PPP2R3A: variants seen among roughly 807,000 people sequenced by gnomAD.
PPP2R3A encodes protein phosphatase 2 regulatory subunit B''alpha, also known as serine/threonine-protein phosphatase 2A regulatory subunit B'' subunit alpha.
In PPP2R3A, 80 loss-of-function variants were observed where a neutral mutation model predicts 106.9. The observed-to-expected ratio is 0.75, with a 90% CI of 0.62 to 0.90. The LOEUF (loss-of-function observed/expected upper bound fraction) is 0.90, where lower values mean the gene tolerates loss of function less well. Among genes scored for constraint, PPP2R3A ranks in the 40% least tolerant of loss-of-function variants. The probability of loss-of-function intolerance (pLI) is 0.00; values close to 1 mark genes in which losing one functional copy is unlikely to be tolerated. For synonymous variants in PPP2R3A, 483 were observed against 468.3 expected (o/e 1.03, Z -0.41); for missense variants, 1,386 against 1,350.4 (o/e 1.03, Z -0.41).
Position 136,145,298 on chromosome 3 carries a change from T to C in PPP2R3A, c.*132T>C, listed in dbSNP as rs577872668. On this transcript the variant is annotated 3_prime_UTR_variant, in exon 14 of 14. Transcript: ENST00000264977. ...GTGTGTATCATCTGCACTAGGAACT[T>C]TGTTTTTAAGCAATAGGTCTGGATA... The C allele has an allele frequency of 1.1e-5, 14 of 1,223,320 alleles. No homozygotes were observed. In the South Asian group the frequency reaches 2.3e-4, roughly 20 times the overall value. 75.8% of individuals were successfully genotyped at this position (1,223,320 alleles called of 1,614,324 possible).
intron 13 of PPP2R3A, among the ~76,000 whole-genome samples, chr3:136,117,579 T>C (rs999356875): frequency 5.9e-5 from 9 of 152,148 alleles, no homozygotes; most frequent in East Asian, 3.9e-4. Flanking sequence ...TACAAACTAC[T>C]GTCAGAGAAT....
At chr3:136,069,723 G>T (rs1428358936) in intron 5 of PPP2R3A, among the ~76,000 whole-genome samples, 1 of 152,184 alleles carries the variant, frequency 6.6e-6, no homozygotes, top group East Asian at 1.9e-4. Flanking sequence ...GTCTGTTGAT[G>T]ACAAGCCAGT....
chr3:136,048,526 G>C (rs1226408845), intron 4 of PPP2R3A, among the ~76,000 whole-genome samples: 1 of 152,124 alleles, frequency 6.6e-6, no homozygotes, highest in Non-Finnish European at 1.5e-5. Context: ...ACAAAAACTA[G>C]CCAGGCGTGG....
At chr3:136,057,154 A>G (rs1935897058) in intron 5 of PPP2R3A, among the ~76,000 whole-genome samples, 1 of 152,138 alleles carries the variant, frequency 6.6e-6, no homozygotes, top group Non-Finnish European at 1.5e-5. Flanking sequence ...TACTCAAAAA[A>G]ACTAAAAATA....
intron 5 of PPP2R3A, chr3:136,055,061 A>C: frequency 2.9e-6 from 1 of 345,746 alleles, no homozygotes; most frequent in East Asian, 6.0e-5. Flanking sequence ...GTTTATAAAC[A>C]TTTCAATATT....
chr3:136,049,279 A>G lies in PPP2R3A; in HGVS notation c.2387A>G (p.Asp796Gly). 6.2e-7 allele frequency: 1 copy of G among 1,613,378 alleles called. No individual in the cohort carries two copies. Among genetic ancestry groups the G allele is most frequent in the Middle Eastern group, 1.7e-4 (1 of 6,060 alleles). The change falls in exon 5 of 14, where the codon GAT becomes GGT. Residue 796 changes from aspartate (D) to glycine (G), a missense_variant. Transcript: ENST00000264977. Reference protein sequence around the residue: ...MWRKLLNNHHDDASKFICLLA... With the variant: ...MWRKLLNNHHGDASKFICLLA... The stretch of plus-strand genomic sequence containing the variant: ...TATAGGTTGCTGAATAACCATCATG[A>G]TGATGCCTCTAAATTCATCTGTCTT...
rs778323316 is a variant in PPP2R3A at position 136,003,012 on chromosome 3, G to C, written c.1514G>C (p.Ser505Thr). The change falls in exon 2 of 14, where the codon AGC becomes ACC. Residue 505 changes from serine to threonine, a missense_variant. Coordinates refer to ENST00000264977, the MANE Select transcript of PPP2R3A (RefSeq NM_002718.5). ...GDQRDFTNSSSQEEIDKLLMD... is the reference protein window; with the variant it reads ...GDQRDFTNSSTQEEIDKLLMD... ...CAGAGAGATTTTACAAATTCCAGTAGCCAGGAAGAGATAGATAAATTGTTA... is the reference window on the plus strand; with the variant it reads ...CAGAGAGATTTTACAAATTCCAGTACCCAGGAAGAGATAGATAAATTGTTA... 5 of 1,613,474 alleles carry C rather than the reference G, an allele frequency of 3.1e-6. No individual in the cohort carries two copies. The East Asian group carries it at 1.1e-4, about 36-fold the overall frequency.
intron 6 of PPP2R3A, among the ~76,000 whole-genome samples, chr3:136,075,132 T>C (rs1408867673): frequency 6.6e-6 from 1 of 152,220 alleles, no homozygotes; most frequent in African/African-American, 2.4e-5. Context: ...CCTGGTGACC[T>C]ATACTTGTGA....
chr3:135,994,503 A>G (rs1373986576), intron 1 of PPP2R3A, among the ~76,000 whole-genome samples: 2 of 152,012 alleles, frequency 1.3e-5, no homozygotes, highest in Non-Finnish European at 2.9e-5. Context: ...ACCCTACTCC[A>G]TTTTCTGTGG....
intron 3 of PPP2R3A, among the ~76,000 whole-genome samples, chr3:136,030,111 A>G (rs774327804): frequency 6.6e-6 from 1 of 152,046 alleles, no homozygotes; most frequent in East Asian, 1.9e-4. Context: ...CTAGCTACTC[A>G]GGAGGCTGAG....
At chr3:136,066,929 T>G (rs1936278380) in intron 5 of PPP2R3A, among the ~76,000 whole-genome samples, 1 of 152,184 alleles carries the variant, frequency 6.6e-6, no homozygotes, top group Admixed American at 6.5e-5. Context: ...TTCTCTGTAT[T>G]TTAGATACTT....
At chr3:136,082,198 A>G in intron 7 of PPP2R3A, 67 bp from the exon 8 acceptor site, 1 of 1,344,290 alleles carries the variant, frequency 7.4e-7, no homozygotes. Context: ...GAAATTCGCT[A>G]GACTCTGCAC....
intron 13 of PPP2R3A, among the ~76,000 whole-genome samples, chr3:136,115,560 C>G (rs1243339502): frequency 6.6e-6 from 1 of 151,646 alleles, no homozygotes; most frequent in Non-Finnish European, 1.5e-5. Context: ...CATAAATGAC[C>G]TGATGGAGCT....
At chr3:136,103,860 G>A (rs534146875) in intron 12 of PPP2R3A, among the ~76,000 whole-genome samples, 6 of 152,178 alleles carry the variant, frequency 3.9e-5, no homozygotes, top group Admixed American at 6.5e-5. Context: ...AATGATTGCC[G>A]TTCATGGCTA....
rs761651251 is a variant in PPP2R3A, at chr3:136,106,187, T to C, written c.3223-29T>C. On this transcript the variant is annotated intron_variant, in intron 12 of 13. Coordinates refer to ENST00000264977, the MANE Select transcript of PPP2R3A (RefSeq NM_002718.5). ...AATTCTTTGTCTTTGATTTTTTTTA[T>C]TTCTCGTGGCTGTCTTCTTTCCAAT... The C allele has an allele frequency of 1.9e-6, 3 of 1,571,048 alleles. No homozygotes were observed. The East Asian group carries it at 6.7e-5, about 35-fold the overall frequency.
At chr3:136,093,282 G>A (rs1239561878) in intron 10 of PPP2R3A, among the ~76,000 whole-genome samples, 1 of 152,094 alleles carries the variant, frequency 6.6e-6, no homozygotes, top group African/African-American at 2.4e-5. Context: ...AGCGGCACGC[G>A]CCTGTGGTCC....
chr3:136,128,049 C>T (rs1938250774), intron 13 of PPP2R3A, among the ~76,000 whole-genome samples: 1 of 152,164 alleles, frequency 6.6e-6, no homozygotes, highest in Non-Finnish European at 1.5e-5. Context: ...GAACGACCCA[C>T]TGCAAAAACA....
intron 13 of PPP2R3A, among the ~76,000 whole-genome samples, chr3:136,127,960 T>C (rs1474124903): frequency 1.3e-5 from 2 of 152,080 alleles, no homozygotes; most frequent in Non-Finnish European, 2.9e-5. Flanking sequence ...GCCAAGCAAA[T>C]GCTGAGAGAT....
chr3:136,070,754 C>A (rs1472404453), intron 6 of PPP2R3A, among the ~76,000 whole-genome samples: 1 of 152,114 alleles, frequency 6.6e-6, no homozygotes, highest in Non-Finnish European at 1.5e-5. Flanking sequence ...CCAATACTTA[C>A]AAAATTAAAG....
Sources: allele counts gnomAD v4.1 joint callset (sites outside exome capture counted in the v4.1 genomes callset), GRCh38; gene constraint gnomAD v4.1.1; transcripts MANE v1.5; gene names NCBI Gene and HGNC (gene_info 2026-07-23, HGNC 2026-07-21).